MARCHF3: variants seen among roughly 807,000 people sequenced by gnomAD.
MARCHF3 encodes the protein membrane associated ring-CH-type finger 3.
A neutral mutation model predicts 24.2 loss-of-function variants in MARCHF3; 13 were observed. The ratio of observed to expected loss-of-function variants is 0.54; its 90% CI spans 0.35 to 0.85. MARCHF3 has a LOEUF of 0.85. Among genes scored for constraint, MARCHF3 ranks in the 40% least tolerant of loss-of-function variants. The pLI, the probability that MARCHF3 is intolerant of heterozygous loss-of-function variation, is 0.01. For missense variants in MARCHF3, 276 were observed against 325.0 expected, an observed-to-expected ratio of 0.85 and a Z score of 1.16; for synonymous variants, 144 against 137.3, an observed-to-expected ratio of 1.05 and a Z score of -0.34.
intron 1 of MARCHF3, among the ~76,000 whole-genome samples, chr5:126,991,704 G>T (rs541576027): frequency 1.8e-4 from 27 of 150,862 alleles, no homozygotes; most frequent in African/African-American, 6.4e-4. Context: ...CTGGACGACA[G>T]AGCAAGATTC....
chr5:127,018,996 A>G (rs1752712783), intron 1 of MARCHF3, among the ~76,000 whole-genome samples: 1 of 152,230 alleles, frequency 6.6e-6, no homozygotes, highest in Non-Finnish European at 1.5e-5. Context: ...TTTATATTCA[A>G]ATAGCCTATA....
chr5:127,012,577 T>C (rs1301265675), intron 1 of MARCHF3, among the ~76,000 whole-genome samples: 1 of 152,112 alleles, frequency 6.6e-6, no homozygotes, highest in Non-Finnish European at 1.5e-5. Flanking sequence ...CAAAAACTAA[T>C]ACTCAGAGAT....
rs1305834400 is a variant in MARCHF3, at chr5:126,870,366, C to T, written c.*267G>A. 6.4e-6 allele frequency: 2 copies of T among 312,594 alleles called. No homozygotes were observed. The highest frequency in any genetic ancestry group is 2.1e-5 in the African/African-American group (1 of 48,246). 19.4% of individuals were successfully genotyped at this position (312,594 alleles called of 1,614,324 possible). ...CTTCCTCATACGTTAAAGAGGTGTT[C>T]AGAAAATTCCATACAGTATCTGCTA... On this transcript the variant is annotated 3_prime_UTR_variant, in exon 5 of 5. Transcript: ENST00000308660.
chr5:127,003,129 A>AC (rs1282148747), intron 1 of MARCHF3, among the ~76,000 whole-genome samples: 1 of 149,454 alleles, frequency 6.7e-6, no homozygotes, highest in Non-Finnish European at 1.5e-5. Flanking sequence ...GAAAGAAAAA[A>AC]GAAAAAAAAA....
intron 4 of MARCHF3, among the ~76,000 whole-genome samples, chr5:126,875,781 G>GT (rs1435052128): frequency 6.6e-6 from 1 of 152,174 alleles, no homozygotes; most frequent in Non-Finnish European, 1.5e-5. Flanking sequence ...AAGGAGCCTG[G>GT]GGCCAACACT....
At chr5:126,959,912 ATTAG>A (rs1237814032) in intron 1 of MARCHF3, among the ~76,000 whole-genome samples, 1 of 152,092 alleles carries the variant, frequency 6.6e-6, no homozygotes, top group Admixed American at 6.6e-5. Flanking sequence ...CTCCTAGGTT[ATTAG>A]TTAGTTATAG....
chr5:126,894,274 C>G (rs374387095), intron 3 of MARCHF3, among the ~76,000 whole-genome samples: 1 of 146,026 alleles, frequency 6.8e-6, no homozygotes, highest in African/African-American at 2.6e-5. Flanking sequence ...TTAATTGGAG[C>G]ATTTAGTCCA....
chr5:126,918,242 A>AAAAC lies in MARCHF3; in HGVS notation c.-56-19_-56-16dup. 6.8e-7 allele frequency: 1 copy of AAAAC among 1,477,570 alleles called. No homozygotes were observed. The highest frequency in any genetic ancestry group is 9.0e-7 in the Non-Finnish European group (1 of 1,109,180). The allele number at this position is 1,477,570 out of a possible 1,614,324, so 91.5% of individuals were successfully genotyped here. A position where few individuals can be genotyped will look rare whatever the true frequency, so the allele number is the denominator to read the frequency against. Reference sequence around the variant, plus strand: ...AGGATTTCCATCTAAGAGAGATCAGAAAACAGTTTACTTGGGCAGGGTGGC... The same window carrying AAAAC: ...AGGATTTCCATCTAAGAGAGATCAGAAAACAAACAGTTTACTTGGGCAGGGTGGC... On this transcript the variant is annotated splice_polypyrimidine_tract_variant and intron_variant, in intron 1 of 4. Coordinates refer to ENST00000308660, the MANE Select transcript of MARCHF3 (RefSeq NM_178450.5).
chr5:126,887,578 AC>A (rs1254850191), intron 3 of MARCHF3, among the ~76,000 whole-genome samples: 1 of 152,228 alleles, frequency 6.6e-6, no homozygotes, highest in African/African-American at 2.4e-5. Flanking sequence ...GCAATTAAGA[AC>A]ATGATTCTGA....
intron 1 of MARCHF3, among the ~76,000 whole-genome samples, chr5:126,979,839 T>C (rs1006995572): frequency 1.0e-4 from 15 of 149,192 alleles, no homozygotes; most frequent in Admixed American, 8.8e-4. Context: ...TCCCAGCTAC[T>C]CGGGAGGCTG....
At chr5:126,871,554 G>A (rs1752965887) in intron 4 of MARCHF3, among the ~76,000 whole-genome samples, 1 of 152,248 alleles carries the variant, frequency 6.6e-6, no homozygotes, top group East Asian at 1.9e-4. Flanking sequence ...CATCTTGAGA[G>A]CAGGCGTTGT....
chr5:127,026,191 T>C (rs949618293), intron 1 of MARCHF3, among the ~76,000 whole-genome samples: 1 of 152,232 alleles, frequency 6.6e-6, no homozygotes, highest in African/African-American at 2.4e-5. Flanking sequence ...ACTATAGTTT[T>C]TGTAACTGGG....
intron 1 of MARCHF3, among the ~76,000 whole-genome samples, chr5:126,992,615 G>T (rs983923166): frequency 3.3e-5 from 5 of 152,008 alleles, no homozygotes; most frequent in Admixed American, 2.6e-4. Flanking sequence ...TAGAGGTTAC[G>T]TACTACACAT....
rs1752843565 is a variant in MARCHF3, at chr5:126,868,482, G to A, written c.*2151C>T. The A allele has an allele frequency of 6.6e-6, 1 of 152,248 alleles. No individual in the cohort carries two copies. The highest frequency in any genetic ancestry group is 6.5e-5 in the Admixed American group (1 of 15,280). 9.4% of individuals were successfully genotyped at this position (152,248 alleles called of 1,614,324 possible). On this transcript the variant is annotated 3_prime_UTR_variant, in exon 5 of 5. Coordinates refer to ENST00000308660, the MANE Select transcript of MARCHF3 (RefSeq NM_178450.5). ...GGTGTGGCACAGGCACAGTTTTAAT[G>A]TGCAAACCCTTCCTAATGCAGGATC...
At chr5:126,996,234 A>G (rs1751944194) in intron 1 of MARCHF3, among the ~76,000 whole-genome samples, 2 of 152,214 alleles carry the variant, frequency 1.3e-5, no homozygotes, top group Non-Finnish European at 2.9e-5. Context: ...GTTATAGAGG[A>G]AAGAGCAGGA....
chr5:126,880,538 A>G (rs1233508627), intron 3 of MARCHF3, among the ~76,000 whole-genome samples: 6 of 152,200 alleles, frequency 3.9e-5, no homozygotes, highest in African/African-American at 1.4e-4. Flanking sequence ...TGGGAATATC[A>G]CTATCAAGTG....
chr5:126,918,814 T>C (rs1748999529), intron 1 of MARCHF3, among the ~76,000 whole-genome samples: 1 of 152,260 alleles, frequency 6.6e-6, no homozygotes, highest in Admixed American at 6.5e-5. Context: ...GCCATATCTG[T>C]TGCATAATAA....
At chr5:126,953,228 T>A (rs1430969430) in intron 1 of MARCHF3, among the ~76,000 whole-genome samples, 1 of 152,220 alleles carries the variant, frequency 6.6e-6, no homozygotes, top group Non-Finnish European at 1.5e-5. Context: ...TTCATTGAAC[T>A]GTTTAATCAA....
chr5:126,903,753 C>T (rs1047766979), intron 3 of MARCHF3, among the ~76,000 whole-genome samples: 1 of 152,036 alleles, frequency 6.6e-6, no homozygotes, highest in Non-Finnish European at 1.5e-5. Context: ...AGCAGTTCAA[C>T]TCTGCTCCCT....
Sources: allele counts gnomAD v4.1 joint callset (sites outside exome capture counted in the v4.1 genomes callset), GRCh38; gene constraint gnomAD v4.1.1; transcripts MANE v1.5; gene names NCBI Gene and HGNC (gene_info 2026-07-23, HGNC 2026-07-21).